CCDC7: variants seen among roughly 807,000 people sequenced by gnomAD.
CCDC7 encodes coiled-coil domain containing 7, also known as coiled-coil domain-containing protein 7.
CCDC7 carries 183 observed loss-of-function variants against 196.9 expected under a neutral mutation model. The ratio of observed to expected loss-of-function variants is 0.93; its 90% CI spans 0.82 to 1.05. The LOEUF (loss-of-function observed/expected upper bound fraction) is 1.05, where lower values mean the gene tolerates loss of function less well. Ranked by LOEUF, CCDC7 falls within the 50% of genes least tolerant of loss-of-function variation. The pLI is 0.00. For missense variants in CCDC7, 1,540 were observed against 1,482.2 expected (o/e 1.04, Z -0.64); for synonymous variants, 525 against 484.6 (o/e 1.08, Z -1.10).
intron 18 of CCDC7, among the ~76,000 whole-genome samples, chr10:32,584,804 TAGAG>T (rs2059097367): frequency 6.7e-6 from 1 of 149,750 alleles, no homozygotes; most frequent in Admixed American, 6.7e-5. Context: ...TTATATTACT[TAGAG>T]AGTCTATTTT....
At chr10:32,635,914 G>C (rs1258920207) in intron 20 of CCDC7, among the ~76,000 whole-genome samples, 3 of 151,500 alleles carry the variant, frequency 2.0e-5, no homozygotes, top group Non-Finnish European at 4.4e-5. Context: ...CCATTTCTTT[G>C]TCCTTCCTAT....
intron 28 of CCDC7, among the ~76,000 whole-genome samples, chr10:32,776,062 A>G (rs542485749): frequency 2.0e-5 from 3 of 147,424 alleles, no homozygotes; most frequent in Non-Finnish European, 4.5e-5. Flanking sequence ...ATTCTCACTC[A>G]TAGGTGGGAA....
chr10:32,868,789 A>G (rs903702559), intron 41 of CCDC7, among the ~76,000 whole-genome samples: 3 of 137,294 alleles, frequency 2.2e-5, no homozygotes, highest in African/African-American at 8.3e-5. Context: ...TCACTGTTCA[A>G]TTCCCACCTA....
At chr10:32,793,522 T>G (rs987885589) in intron 29 of CCDC7, among the ~76,000 whole-genome samples, 8 of 152,200 alleles carry the variant, frequency 5.3e-5, no homozygotes, top group African/African-American at 1.9e-4. Flanking sequence ...AATTTACTTA[T>G]AAATCAAAAA....
intron 18 of CCDC7, among the ~76,000 whole-genome samples, chr10:32,618,307 TC>T (rs1246438664): frequency 6.6e-6 from 1 of 151,948 alleles, no homozygotes; most frequent in East Asian, 1.9e-4. Flanking sequence ...TATTTTCTTC[TC>T]TTTTTGTCTT....
chr10:32,481,626 C>T (rs2039979116), intron 8 of CCDC7: 1 of 152,096 alleles, frequency 6.6e-6, no homozygotes, highest in Non-Finnish European at 1.5e-5. Context: ...GAGTTTTATA[C>T]TTTCATATGT....
intron 11 of CCDC7, among the ~76,000 whole-genome samples, chr10:32,530,023 AG>A (rs766407039): frequency 6.6e-6 from 1 of 152,176 alleles, no homozygotes; most frequent in Non-Finnish European, 1.5e-5. Flanking sequence ...TTTGTTGAAT[AG>A]GGTGTCCTTT....
chr10:32,701,238 C>G (rs965637416), intron 24 of CCDC7, among the ~76,000 whole-genome samples: 1 of 152,248 alleles, frequency 6.6e-6, no homozygotes, highest in East Asian at 1.9e-4. Flanking sequence ...CCATCAATAC[C>G]TAATTTATTG....
intron 31 of CCDC7, among the ~76,000 whole-genome samples, chr10:32,818,430 G>C (rs1464129168): frequency 2.0e-5 from 3 of 152,054 alleles, no homozygotes; most frequent in Admixed American, 1.3e-4. Context: ...ACAGATCAAC[G>C]AGACAGAAAG....
chr10:32,842,218 A>G (rs1481861983), intron 33 of CCDC7, among the ~76,000 whole-genome samples: 1 of 152,014 alleles, frequency 6.6e-6, no homozygotes, highest in African/African-American at 2.4e-5. Flanking sequence ...AAAGACTAAT[A>G]TCCAGAATCT....
intron 30 of CCDC7, among the ~76,000 whole-genome samples, chr10:32,811,710 A>G (rs1238363478): frequency 6.6e-6 from 1 of 152,092 alleles, no homozygotes; most frequent in Non-Finnish European, 1.5e-5. Context: ...AATTCTCTGT[A>G]ACTCAGTCTA....
At chr10:32,642,347 T>C (rs986159247) in intron 20 of CCDC7, among the ~76,000 whole-genome samples, 4 of 152,194 alleles carry the variant, frequency 2.6e-5, no homozygotes, top group African/African-American at 9.6e-5. Context: ...GCCTTGGCAA[T>C]GGCGGGCGCC....
Position 32,871,567 on chromosome 10 carries a change from A to AT in CCDC7, c.4112-4774dup, listed in dbSNP as rs562046217. 2.3e-3 allele frequency among the ~76,000 whole-genome samples: 354 copies of AT among 151,292 alleles called. 9 individuals are homozygous for AT. The East Asian group carries it at 0.051, about 22-fold the overall frequency. On this transcript the variant is annotated intron_variant, in intron 41 of 41. Coordinates refer to ENST00000639629, the Ensembl canonical transcript of CCDC7. Reference sequence around the variant, plus strand: ...AAAAAACCAGCTCCTGGATTCATTGATTTTTTGAAGGGTTTTTTGTGTCTC... The same window carrying AT: ...AAAAAACCAGCTCCTGGATTCATTGATTTTTTTGAAGGGTTTTTTGTGTCTC...
chr10:32,799,103 A>G (rs980001819), intron 29 of CCDC7, among the ~76,000 whole-genome samples: 7 of 152,142 alleles, frequency 4.6e-5, no homozygotes, highest in Admixed American at 6.5e-5. Flanking sequence ...TTATGGCTAG[A>G]TGGGTCAGAA....
intron 21 of CCDC7, among the ~76,000 whole-genome samples, chr10:32,676,723 G>A (rs554808085): frequency 6.6e-6 from 1 of 152,082 alleles, no homozygotes; most frequent in South Asian, 2.1e-4. Context: ...GGAAACAACA[G>A]GTGCTGGAGA....
chr10:32,600,427 G>T (rs937720163), intron 18 of CCDC7, among the ~76,000 whole-genome samples: 1 of 151,854 alleles, frequency 6.6e-6, no homozygotes, highest in Non-Finnish European at 1.5e-5. Context: ...AGACTTTACT[G>T]AATTCATTTA....
At chr10:32,528,788 G>A (rs77695514) in intron 11 of CCDC7, among the ~76,000 whole-genome samples, 13,116 of 124,486 alleles carry the variant, frequency 0.11, 846 homozygotes, top group East Asian at 0.38. Context: ...ATTATTCCAT[G>A]GAATACTTTT....
At chr10:32,879,827 A>C (rs1286751432), downstream of CCDC7, among the ~76,000 whole-genome samples, 1 of 149,874 alleles carries the variant, frequency 6.7e-6, no homozygotes, top group East Asian at 2.0e-4. Context: ...TTCCTGCATT[A>C]GTTTGCTGAG....
At chr10:32,746,466 C>T (rs2074756624) in intron 28 of CCDC7, among the ~76,000 whole-genome samples, 1 of 152,154 alleles carries the variant, frequency 6.6e-6, no homozygotes, top group Non-Finnish European at 1.5e-5. Flanking sequence ...TACAGTGGAG[C>T]ATGGCCAGCG....
Sources: allele counts gnomAD v4.1 joint callset (sites outside exome capture counted in the v4.1 genomes callset), GRCh38; gene constraint gnomAD v4.1.1; transcripts MANE v1.5; gene names NCBI Gene and HGNC (gene_info 2026-07-23, HGNC 2026-07-21).